The following MYO9B variants were observed in gnomAD, a reference collection of about 807,000 sequenced individuals.
MYO9B encodes unconventional myosin-IXb.
In MYO9B, 71 loss-of-function variants were observed where a neutral mutation model predicts 229.5. The observed-to-expected ratio is 0.31, with a 90% CI of 0.26 to 0.38. The LOEUF (loss-of-function observed/expected upper bound fraction) is 0.38, where lower values mean the gene tolerates loss of function less well. Ranked by LOEUF, MYO9B falls within the 10% of genes least tolerant of loss-of-function variation. The probability of loss-of-function intolerance (pLI) is 1.00; values close to 1 mark genes in which losing one functional copy is unlikely to be tolerated. For missense variants in MYO9B, 2,255 were observed against 2,920.5 expected (o/e 0.77, Z 5.25); for synonymous variants, 1,185 against 1,235.8 (o/e 0.96, Z 0.86).
intron 14 of MYO9B, chr19:17,178,385 T>G (rs2072814705): frequency 6.6e-6 from 1 of 151,998 alleles, no homozygotes; most frequent in Non-Finnish European, 1.5e-5. Context: ...GGAGGATCAC[T>G]TGAGGCCAGG....
At chr19:17,199,673 C>T (rs2073084986) in intron 24 of MYO9B, among the ~76,000 whole-genome samples, 1 of 148,248 alleles carries the variant, frequency 6.7e-6, no homozygotes, top group Non-Finnish European at 1.5e-5. Context: ...ACCACCATGC[C>T]CAGCTAATTT....
chr19:17,117,955 AAAG>A (rs2057922702), intron 2 of MYO9B, among the ~76,000 whole-genome samples: 1 of 151,316 alleles, frequency 6.6e-6, no homozygotes, highest in African/African-American at 2.4e-5. Flanking sequence ...AAAAAAAAAA[AAAG>A]AAAAGACATA....
chr19:17,113,972 ATG>A lies in MYO9B; in HGVS notation c.840+11418_840+11419del, dbSNP rs140965665. 2.1e-3 allele frequency among the ~76,000 whole-genome samples: 316 copies of A among 152,194 alleles called. 1 individual carries two copies. The highest frequency in any genetic ancestry group is 3.1e-3 in the Non-Finnish European group (213 of 68,016). On this transcript the variant is annotated intron_variant, in intron 2 of 39. Coordinates refer to ENST00000682292, the MANE Select transcript of MYO9B (RefSeq NM_004145.4). The stretch of plus-strand genomic sequence containing the variant: ...AGTTCCCAACCCCTGCCCTGTTGAT[ATG>A]TGGGCTGGATCATTCCGTTATGGCC...
intron 3 of MYO9B, among the ~76,000 whole-genome samples, chr19:17,150,617 A>G (rs2145260724): frequency 1.0e-5 from 1 of 100,284 alleles, no homozygotes; most frequent in East Asian, 2.0e-4. Context: ...CGGCCCCACC[A>G]GACTTAGCCA....
intron 2 of MYO9B, among the ~76,000 whole-genome samples, chr19:17,115,384 A>AT (rs905542033): frequency 6.6e-6 from 1 of 151,084 alleles, no homozygotes; most frequent in Admixed American, 6.6e-5. Flanking sequence ...CTTTATAGGA[A>AT]TTTTTTTTCC....
chr19:17,101,673 G>A lies in MYO9B; in HGVS notation c.-45G>A, dbSNP rs577047756. 1,318 of 1,506,086 alleles carry A rather than the reference G, an allele frequency of 8.8e-4. 1 individual carries two copies. The highest frequency in any genetic ancestry group is 1.8e-3 in the African/African-American group (127 of 71,938). 93.3% of individuals were successfully genotyped at this position (1,506,086 alleles called of 1,614,324 possible). A position where few individuals can be genotyped will look rare whatever the true frequency, so the allele number is the denominator to read the frequency against. ...CCTCCCTTCTAGCTCCAGGACACGC[G>A]CGCCCCGAGCCTGGGAGGCATGCTG... On this transcript the variant is annotated 5_prime_UTR_variant, in exon 2 of 40. Coordinates refer to ENST00000682292, the MANE Select transcript of MYO9B (RefSeq NM_004145.4). The surrounding 1 kb of genome is among the most constrained non-coding windows in gnomAD (Gnocchi z 4.7).
chr19:17,143,327 C>T (rs1472787278), intron 2 of MYO9B, among the ~76,000 whole-genome samples: 1 of 152,060 alleles, frequency 6.6e-6, no homozygotes, highest in Admixed American at 6.6e-5. Context: ...GGCTATACAC[C>T]TCTGTATTTT....
Position 17,202,181 on chromosome 19 carries a change from G to A in MYO9B, c.4714G>A (p.Val1572Ile), listed in dbSNP as rs766634031. The change falls in exon 28 of 40, where the codon GTC becomes ATC. Residue 1572 changes from valine to isoleucine, a missense_variant. Val to Ile is a conservative substitution (Grantham distance 29). This residue lies in a region of MYO9B where 416 missense variants were observed against 605.5 expected (regional missense o/e 0.69). Transcript: ENST00000682292. ...GGATCTGATGGAGAACTACCAGATC[G>A]TCGTCAGCAACCTGGCCACTGAGCG... The part of the protein sequence containing the change: ...YKDLMENYQI[V>I]VSNLATERGQ... 1.7e-5 allele frequency: 27 copies of A among 1,613,610 alleles called. No homozygotes were observed. The highest frequency in any genetic ancestry group is 2.7e-5 in the African/African-American group (2 of 74,890).
chr19:17,205,810 C>G (rs2073153444), intron 31 of MYO9B, 150 bp from the exon 32 acceptor site: 1 of 820,874 alleles, frequency 1.2e-6, no homozygotes, highest in South Asian at 2.0e-5. Context: ...CCCCACACCC[C>G]CAACAACCAC....
At chr19:17,078,494 T>A (rs1440269387) in intron 1 of MYO9B, among the ~76,000 whole-genome samples, 1 of 151,982 alleles carries the variant, frequency 6.6e-6, no homozygotes, top group African/African-American at 2.4e-5. Flanking sequence ...CAGCCAAGAT[T>A]GCGCCATTGC....
chr19:17,162,321 G>T, intron 8 of MYO9B, 29 bp from the exon 9 acceptor site: 7 of 1,535,924 alleles, frequency 4.6e-6, no homozygotes, highest in Non-Finnish European at 5.3e-6. Flanking sequence ...TGCCGTGCCG[G>T]AGGTGAGTCA....
chr19:17,194,924 T>A lies in MYO9B; in HGVS notation c.3497T>A (p.Ile1166Asn), dbSNP rs1295839260. Residue 1166 changes from isoleucine to asparagine, a missense_variant, in exon 22 of 40, where the codon ATC (isoleucine) becomes AAC (asparagine). By Grantham distance (149) the Ile-to-Asn change is moderately radical. Coordinates refer to ENST00000682292, the MANE Select transcript of MYO9B (RefSeq NM_004145.4). Reference protein sequence around the residue: ...LEHVKFQNKHIQSCKEESALR... With the variant: ...LEHVKFQNKHNQSCKEESALR... ...CACGTCAAGTTCCAGAACAAACACA[T>A]CCAGTCCTGCAAGGAGGAGAGTGCC... 6.2e-7 allele frequency: 1 copy of A among 1,612,818 alleles called. No homozygotes were observed. Among genetic ancestry groups the A allele is most frequent in the Non-Finnish European group, 8.5e-7 (1 of 1,179,802 alleles).
At chr19:17,204,065 T>TCTTTTC (rs2073135635) in intron 30 of MYO9B, among the ~76,000 whole-genome samples, 2 of 151,550 alleles carry the variant, frequency 1.3e-5, no homozygotes, top group Non-Finnish European at 2.9e-5. Context: ...CAGAACCATT[T>TCTTTTC]GGGCCAGGGT....
rs549369450 is a variant in MYO9B at position 17,158,798 on chromosome 19, G to A, written c.1330-597G>A. Among the ~76,000 whole-genome samples, 241 of 152,296 alleles carry A rather than the reference G, an allele frequency of 1.6e-3. 1 individual carries two copies. Among genetic ancestry groups the A allele is most frequent in the African/African-American group, 5.0e-3 (209 of 41,576 alleles). On this transcript the variant is annotated intron_variant, in intron 7 of 39. Coordinates refer to ENST00000682292, the MANE Select transcript of MYO9B (RefSeq NM_004145.4). ...AGGCGGCCACCTGGACCCGTGGCTC[G>A]CACTCACATAAGGCCTGTACATACA...
At chr19:17,136,813 C>T (rs566310809) in intron 2 of MYO9B, among the ~76,000 whole-genome samples, 6 of 152,262 alleles carry the variant, frequency 3.9e-5, no homozygotes, top group African/African-American at 1.4e-4. Context: ...CAGGTCAGAC[C>T]GGGCCCAGTG....
intron 2 of MYO9B, among the ~76,000 whole-genome samples, chr19:17,113,614 C>T (rs2057870387): frequency 6.6e-6 from 1 of 152,094 alleles, no homozygotes; most frequent in East Asian, 1.9e-4. Flanking sequence ...GCCCTGACCG[C>T]AAGCTACTGA....
rs1258069626 is a variant in MYO9B at position 17,140,117 on chromosome 19, CAGTACAGTAAG to C, written c.841-5270_841-5260del. 2.6e-5 allele frequency among the ~76,000 whole-genome samples: 4 copies of C among 152,104 alleles called. No homozygotes were observed. In the South Asian group the frequency reaches 6.2e-4, roughly 24 times the overall value. ...GGATGCATGGATGGAAACATAGAAG[CAGTACAGTAAG>C]AGTACAGTATTATAATCTTATGGGA... is the stretch of plus-strand genomic sequence containing the variant. On this transcript the variant is annotated intron_variant, in intron 2 of 39. Transcript: ENST00000682292.
intron 37 of MYO9B, 70 bp from the exon 38 acceptor site, chr19:17,210,645 T>G: frequency 6.8e-7 from 1 of 1,466,858 alleles, no homozygotes; most frequent in East Asian, 2.5e-5. Flanking sequence ...TCCTGGGATC[T>G]GCTCACACCT....
chr19:17,095,510 C>T (rs111972097), intron 1 of MYO9B: 15 of 152,296 alleles, frequency 9.8e-5, no homozygotes, highest in African/African-American at 3.6e-4. Flanking sequence ...GGGGTTCATC[C>T]ATGTTGTAGC....
Sources: allele counts gnomAD v4.1 joint callset (sites outside exome capture counted in the v4.1 genomes callset), GRCh38; gene constraint gnomAD v4.1.1; regional missense constraint gnomAD v4.1.1; non-coding constraint Gnocchi (gnomAD v3.1); transcripts MANE v1.5; gene names NCBI Gene and HGNC (gene_info 2026-07-23, HGNC 2026-07-21).